The following CALHM3 variants were observed in gnomAD, a reference collection of about 807,000 sequenced individuals.
CALHM3 encodes the protein calcium homeostasis modulator 3.
In CALHM3, 9 loss-of-function variants were observed where a neutral mutation model predicts 13.6. The observed-to-expected ratio is 0.66, with a 90% confidence interval of 0.40 to 1.15. The LOEUF is 1.15. Ranked by LOEUF, CALHM3 falls within the 50% of genes most tolerant of loss-of-function variation. The pLI is 0.01. For synonymous variants in CALHM3, 231 were observed against 213.2 expected, an observed-to-expected ratio of 1.08 and a Z score of -0.73; for missense variants, 497 against 463.4, an observed-to-expected ratio of 1.07 and a Z score of -0.67.
Position 103,473,480 on chromosome 10 carries a change from C to A in CALHM3, c.768G>T (p.Ala256=). Residue 256 remains alanine, a synonymous_variant, in exon 3 of 3, where the codon GCG becomes GCT. Transcript: ENST00000369783. The part of the protein sequence containing the change: ...FFASMRSELQ[A]RGLRRGNAGR... ...CTGCATTGCCCCGGCGCAGCCCCCGCGCCTGCAGCTCACTCCGCATGCTGG... is the reference window on the plus strand; with the variant it reads ...CTGCATTGCCCCGGCGCAGCCCCCGAGCCTGCAGCTCACTCCGCATGCTGG... 1 of 1,549,146 alleles carries A rather than the reference C, an allele frequency of 6.5e-7. No homozygotes were observed. Among genetic ancestry groups the A allele is most frequent in the Non-Finnish European group, 8.7e-7 (1 of 1,145,726 alleles).
At position 103,476,569 on chromosome 10, in the gene CALHM3, G is replaced by T; in HGVS notation, c.288-20C>A. ...ATGTACCTGGCAGCAGAGGAAGGAG[G>T]GGGGTCAAGGGGCAGCTGGAAGTCA... On this transcript the variant is annotated intron_variant, in intron 1 of 2. Transcript: ENST00000369783. The T allele has an allele frequency of 6.5e-7, 1 of 1,549,716 alleles. No homozygotes were observed. The highest frequency in any genetic ancestry group is 8.7e-7 in the Non-Finnish European group (1 of 1,146,000).
rs186020415 is a variant in CALHM3 at position 103,476,485 on chromosome 10, G to A, written c.352C>T (p.Leu118Phe). 747 of 1,551,690 alleles carry A rather than the reference G, an allele frequency of 4.8e-4. 5 individuals are homozygous for A. The African/African-American group carries it at 8.4e-3, about 17-fold the overall frequency. The change falls in exon 2 of 3, where the codon CTC becomes TTC. Residue 118 changes from leucine to phenylalanine, a missense_variant. Transcript: ENST00000369783. Reference sequence around the variant, plus strand: ...CACACGAAGCACTTCCCGTCAAGGAGGGCCAGCAGGATCCAGACCAGGGGG... The same window carrying A: ...CACACGAAGCACTTCCCGTCAAGGAAGGCCAGCAGGATCCAGACCAGGGGG... ...AAPLVWILLALLDGKCFVCAF... is the reference protein window; with the variant it reads ...AAPLVWILLAFLDGKCFVCAF...
chr10:103,474,176 A>G (rs2033362277), intron 2 of CALHM3, among the ~76,000 whole-genome samples: 1 of 151,910 alleles, frequency 6.6e-6, no homozygotes, highest in South Asian at 2.1e-4. Context: ...TCCTTCATCC[A>G]TTCATCTATC....
In CALHM3 at chr10:103,473,383, G is replaced by C; in HGVS notation, c.865C>G (p.Leu289Val). ...TGCTCCCGGCTGGAGATTGCGCGCA[G>C]GTGGGCCTTCCCACTTCCACTATCC... ...GLDSGSGKAH[L>V]RAISSREQVD... The change falls in exon 3 of 3, where the codon CTG becomes GTG. Residue 289 changes from leucine to valine, a missense_variant. Physicochemically the swap from Leu to Val is conservative, Grantham distance 32 (BLOSUM62 1). Transcript: ENST00000369783. 6.7e-7 allele frequency: 1 copy of C among 1,496,982 alleles called. No homozygotes were observed. Among genetic ancestry groups the C allele is most frequent in the Non-Finnish European group, 8.9e-7 (1 of 1,118,148 alleles). 92.7% of individuals were successfully genotyped at this position (1,496,982 alleles called of 1,614,324 possible).
At position 103,473,633 on chromosome 10, in the gene CALHM3, G is replaced by C. The variant is rs755107498; in HGVS notation, c.615C>G (p.Phe205Leu). Residue 205 changes from phenylalanine (F) to leucine (L), a missense_variant, in exon 3 of 3, where the codon TTC (phenylalanine) becomes TTG (leucine). Physicochemically the swap from Phe to Leu is conservative, Grantham distance 22. Transcript: ENST00000369783. ...AFLARCLRPCFDQTVFLQRRY... is the reference protein window; with the variant it reads ...AFLARCLRPCLDQTVFLQRRY... Reference sequence around the variant, plus strand: ...TGCGCTGCAGGAAGACTGTCTGGTCGAAGCAGGGCCTCAGGCAGCGGGCCA... The same window carrying C: ...TGCGCTGCAGGAAGACTGTCTGGTCCAAGCAGGGCCTCAGGCAGCGGGCCA... 7.7e-6 allele frequency: 12 copies of C among 1,551,260 alleles called. No homozygotes were observed. In the South Asian group the frequency reaches 1.4e-4, roughly 18 times the overall value.
chr10:103,477,168 C>T (rs2033399335), intron 1 of CALHM3, among the ~76,000 whole-genome samples: 1 of 152,170 alleles, frequency 6.6e-6, no homozygotes. Context: ...CCCAGTAACC[C>T]TCCAAAAGCA....
chr10:103,475,455 G>C (rs952018473), intron 2 of CALHM3, among the ~76,000 whole-genome samples: 1 of 152,202 alleles, frequency 6.6e-6, no homozygotes, highest in African/African-American at 2.4e-5. Flanking sequence ...CACCGAACTA[G>C]GGAAAGCCTA....
intron 2 of CALHM3, among the ~76,000 whole-genome samples, chr10:103,475,811 G>A (rs2033380809): frequency 6.6e-6 from 1 of 152,174 alleles, no homozygotes; most frequent in Admixed American, 6.5e-5. Context: ...GTAGAGCTGG[G>A]GTTTGTCCCC....
rs1484798137 is a variant in CALHM3, at chr10:103,476,674, A to C, written c.288-125T>G. 3.3e-6 allele frequency: 4 copies of C among 1,195,676 alleles called. No homozygotes were observed. The East Asian group carries it at 7.7e-5, about 23-fold the overall frequency. 74.1% of individuals were successfully genotyped at this position (1,195,676 alleles called of 1,614,324 possible). A position where few individuals can be genotyped will look rare whatever the true frequency, so the allele number is the denominator to read the frequency against. ...CATCAGACTGCAGCTCCCAGTGTAG[A>C]GGTCCCAGTGACAGAGACAGGCAGA... On this transcript the variant is annotated intron_variant, in intron 1 of 2. Transcript: ENST00000369783.
At chr10:103,474,180 A>G (rs1204248667) in intron 2 of CALHM3, among the ~76,000 whole-genome samples, 2 of 151,898 alleles carry the variant, frequency 1.3e-5, no homozygotes, top group African/African-American at 2.4e-5. Context: ...TCATCCATTC[A>G]TCTATCCTCC....
chr10:103,475,278 C>T (rs1481065769), intron 2 of CALHM3, among the ~76,000 whole-genome samples: 2 of 152,220 alleles, frequency 1.3e-5, no homozygotes, highest in African/African-American at 4.8e-5. Flanking sequence ...TTATAAAGCT[C>T]TCTCATTTGG....
chr10:103,475,937 T>C (rs2033382508), intron 2 of CALHM3, among the ~76,000 whole-genome samples: 1 of 152,220 alleles, frequency 6.6e-6, no homozygotes, highest in Non-Finnish European at 1.5e-5. Flanking sequence ...CTGCCTCTTA[T>C]AAGCTTTGTG....
At chr10:103,478,642 T>C (rs1332160852) in intron 1 of CALHM3, 104 bp downstream of exon 1, 1 of 1,201,802 alleles carries the variant, frequency 8.3e-7, no homozygotes, top group Admixed American at 2.9e-5. Flanking sequence ...AATCCCCTGA[T>C]AATGAGAATG....
chr10:103,479,068 G>C lies in CALHM3; in HGVS notation c.-36C>G, dbSNP rs549882963. 1 of 1,515,294 alleles carries C rather than the reference G, an allele frequency of 6.6e-7. No homozygotes were observed. Among genetic ancestry groups the C allele is most frequent in the Non-Finnish European group, 8.9e-7 (1 of 1,127,806 alleles). 93.9% of individuals were successfully genotyped at this position (1,515,294 alleles called of 1,614,324 possible). A position where few individuals can be genotyped will look rare whatever the true frequency, so the allele number is the denominator to read the frequency against. On this transcript the variant is annotated 5_prime_UTR_variant, in exon 1 of 3. Coordinates refer to ENST00000369783, the MANE Select transcript of CALHM3 (RefSeq NM_001129742.2). ...TGGGTGGGTGGGCGGCCGTCGGTTC[G>C]GCTCAGTGAGGCTCTGGCCACCTTC...
chr10:103,478,139 T>C (rs1032049936), intron 1 of CALHM3, among the ~76,000 whole-genome samples: 1 of 152,294 alleles, frequency 6.6e-6, no homozygotes, highest in East Asian at 1.9e-4. Flanking sequence ...AAAGGAACAC[T>C]GTATAGAGAG....
chr10:103,476,222 C>T (rs2033385694), intron 2 of CALHM3, 72 bp downstream of exon 2: 2 of 1,532,106 alleles, frequency 1.3e-6, no homozygotes, highest in African/African-American at 2.7e-5. Flanking sequence ...TCACCACCCC[C>T]TCACCCCACT....
In CALHM3 at chr10:103,479,126, A is replaced by T. The variant is rs1047479213; in HGVS notation, c.-94T>A. The T allele has an allele frequency of 1.2e-5, 16 of 1,355,812 alleles. No homozygotes were observed. Among genetic ancestry groups the T allele is most frequent in the Non-Finnish European group, 1.6e-5 (16 of 1,005,504 alleles). 84.0% of individuals were successfully genotyped at this position (1,355,812 alleles called of 1,614,324 possible). On this transcript the variant is annotated 5_prime_UTR_variant, in exon 1 of 3. Transcript: ENST00000369783. ...CTGCTGTGCTGGGGACGAGCCTGGG[A>T]TCTGCAAGAGGTTCTCTCTCTGCTT...
At position 103,478,854 on chromosome 10, in the gene CALHM3, G is replaced by A. The variant is rs944107116; in HGVS notation, c.179C>T (p.Pro60Leu). 1.5e-5 allele frequency: 24 copies of A among 1,551,594 alleles called. No homozygotes were observed. In the East Asian group the frequency reaches 2.0e-4, roughly 13 times the overall value. ...GAGGCCGCAGAGAAACAGGGCGAGC[G>A]GGGGCGTCAGCAGCAGGCCCAGGCC... ...LYGLGLLLTPPLALFLCGLLA... is the reference protein window; with the variant it reads ...LYGLGLLLTPLLALFLCGLLA... The change falls in exon 1 of 3, where the codon CCG becomes CTG. Residue 60 changes from proline to leucine, a missense_variant. By Grantham distance (98) the Pro-to-Leu change is moderately conservative. Transcript: ENST00000369783.
chr10:103,478,465 C>T (rs2033415213), intron 1 of CALHM3, among the ~76,000 whole-genome samples: 1 of 152,182 alleles, frequency 6.6e-6, no homozygotes. Flanking sequence ...AATTGGGAAT[C>T]CTGTGTCATT....
Sources: allele counts gnomAD v4.1 joint callset (sites outside exome capture counted in the v4.1 genomes callset), GRCh38; gene constraint gnomAD v4.1.1; transcripts MANE v1.5; gene names NCBI Gene and HGNC (gene_info 2026-07-23, HGNC 2026-07-21).